The following CCDC88A variants were observed in gnomAD, a reference collection of about 807,000 sequenced individuals.
The protein encoded by CCDC88A is girdin.
CCDC88A carries 54 observed loss-of-function variants against 234.3 expected under a neutral mutation model. The observed-to-expected ratio is 0.23, with a 90% CI of 0.19 to 0.29. The LOEUF is 0.29. CCDC88A is among the 10% of genes least tolerant of loss of function. The pLI is 1.00. For missense variants in CCDC88A, 1,832 were observed against 2,123.4 expected (o/e 0.86, Z 2.70); for synonymous variants, 753 against 737.8 (o/e 1.02, Z -0.33).
intron 3 of CCDC88A, among the ~76,000 whole-genome samples, chr2:55,379,135 A>G (rs1237465908): frequency 6.6e-6 from 1 of 152,182 alleles, no homozygotes; most frequent in Non-Finnish European, 1.5e-5. Context: ...GACATAAAAG[A>G]GAGTAGATGC....
chr2:55,362,165 A>G, intron 7 of CCDC88A, 143 bp downstream of exon 7: 1 of 565,168 alleles, frequency 1.8e-6, no homozygotes, highest in South Asian at 3.4e-5. Flanking sequence ...ACATCCTTTC[A>G]GGTTCCTGTG....
At chr2:55,389,985 G>C (rs1386622222) in intron 2 of CCDC88A, among the ~76,000 whole-genome samples, 1 of 139,212 alleles carries the variant, frequency 7.2e-6, no homozygotes, top group East Asian at 2.2e-4. Flanking sequence ...AGGTTGCAGT[G>C]AGCCAGGATC....
intron 14 of CCDC88A, among the ~76,000 whole-genome samples, chr2:55,336,001 T>A (rs1445801623): frequency 6.6e-6 from 1 of 151,954 alleles, no homozygotes; most frequent in African/African-American, 2.4e-5. Context: ...GAGACCAGCC[T>A]GGGGAGCATA....
chr2:55,332,273 C>G lies in CCDC88A; in HGVS notation c.2855+293G>C. The G allele has an allele frequency of 5.6e-6, 1 of 179,600 alleles. No homozygotes were observed. Among genetic ancestry groups the G allele is most frequent in the Non-Finnish European group, 1.1e-5 (1 of 87,924 alleles). 11.1% of individuals were successfully genotyped at this position (179,600 alleles called of 1,614,324 possible). A position where few individuals can be genotyped will look rare whatever the true frequency, so the allele number is the denominator to read the frequency against. On this transcript the variant is annotated intron_variant, in intron 16 of 32. Coordinates refer to ENST00000436346, the MANE Select transcript of CCDC88A (RefSeq NM_001365480.1). This position sits in a 1 kb window ranked among gnomAD's most constrained non-coding sequence, Gnocchi z 4.5. ...AGCTGGAATTACAGGCATGCACCAC[C>G]ATGCCCAGCTAATTTTTTTTGTATT...
intron 25 of CCDC88A, among the ~76,000 whole-genome samples, chr2:55,304,851 CAT>C (rs1681344031): frequency 6.6e-6 from 1 of 152,288 alleles, no homozygotes; most frequent in African/African-American, 2.4e-5. Context: ...GACCTAAAAA[CAT>C]ATTATACACT....
rs200098186 is a variant in CCDC88A at position 55,318,912 on chromosome 2, T to G, written c.3255A>C (p.Ala1085=). Residue 1085 remains alanine (A), a synonymous_variant, in exon 19 of 33, where the codon GCA becomes GCC. Transcript: ENST00000436346. ...QNNNLQAQIL[A]LQRQTVSLQE... ...GTAATGACACTGTCTGCCTCTGAAG[T>G]GCAAGAATCTGAGCCTGCAAATTAT... is the stretch of plus-strand genomic sequence containing the variant. The G allele has an allele frequency of 4.5e-5, 73 of 1,613,202 alleles. No individual in the cohort carries two copies. The highest frequency in any genetic ancestry group is 3.4e-6 in the Non-Finnish European group (4 of 1,179,474).
chr2:55,362,691 A>C (rs1671475808), intron 6 of CCDC88A, among the ~76,000 whole-genome samples: 1 of 152,006 alleles, frequency 6.6e-6, no homozygotes, highest in African/African-American at 2.4e-5. Flanking sequence ...AAATATTAAT[A>C]TTTAACTCAA....
chr2:55,336,565 A>C, intron 14 of CCDC88A, 116 bp downstream of exon 14: 2 of 625,646 alleles, frequency 3.2e-6, no homozygotes, highest in Non-Finnish European at 5.1e-6. Flanking sequence ...AAAATAAAAA[A>C]ATTCTAAAAT....
rs752260405 is a variant in CCDC88A, at chr2:55,388,798, G to C, written c.253C>G (p.Gln85Glu). 1.1e-5 allele frequency: 16 copies of C among 1,475,356 alleles called. No individual in the cohort carries two copies. In the Admixed American group the frequency reaches 2.1e-4, roughly 20 times the overall value. The allele number at this position is 1,475,356 out of a possible 1,614,324, so 91.4% of individuals were successfully genotyped here. A position where few individuals can be genotyped will look rare whatever the true frequency, so the allele number is the denominator to read the frequency against. The change falls in exon 3 of 33, where the codon CAG becomes GAG. Residue 85 changes from glutamine to glutamate, a missense_variant. Gln to Glu is a conservative substitution (Grantham distance 29). This residue lies in a region of CCDC88A where 84 missense variants were observed against 80.9 expected (regional missense o/e 1.04). Transcript: ENST00000436346. ...RMHNLSILVRQIKFYYQETLQ... is the reference protein window; with the variant it reads ...RMHNLSILVREIKFYYQETLQ... Reference sequence around the variant, plus strand: ...CTTACCTGGTAATAAAATTTTATCTGTCTCACCAAAATGGATAGATTGTGC... The same window carrying C: ...CTTACCTGGTAATAAAATTTTATCTCTCTCACCAAAATGGATAGATTGTGC...
chr2:55,374,581 G>T (rs1673325476), intron 4 of CCDC88A, among the ~76,000 whole-genome samples: 1 of 152,064 alleles, frequency 6.6e-6, no homozygotes, highest in Non-Finnish European at 1.5e-5. Flanking sequence ...AAAAGTATCT[G>T]TTTGGTATAG....
chr2:55,297,365 A>AATATATATTATATATAAATATATATT lies in CCDC88A; in HGVS notation c.4826-868_4826-843dup, dbSNP rs1553385785. Reference sequence around the variant, plus strand: ...TTATATATTATATATAAATATATATAATATATATTATATATAAATATATAT... The same window carrying AATATATATTATATATAAATATATATT: ...TTATATATTATATATAAATATATATAATATATATTATATATAAATATATATTATATATATTATATATAAATATATAT... On this transcript the variant is annotated intron_variant, in intron 29 of 32. Coordinates refer to ENST00000436346, the MANE Select transcript of CCDC88A (RefSeq NM_001365480.1). 1.9e-3 allele frequency among the ~76,000 whole-genome samples: 193 copies of AATATATATTATATATAAATATATATT among 98,978 alleles called. 11 individuals are homozygous for AATATATATTATATATAAATATATATT. The highest frequency in any genetic ancestry group is 0.01 in the African/African-American group (181 of 17,652). The allele number at this position is 98,978 out of a possible 152,430, so 64.9% of individuals were successfully genotyped here. A position where few individuals can be genotyped will look rare whatever the true frequency, so the allele number is the denominator to read the frequency against.
At chr2:55,377,050 T>C (rs1413417426) in intron 3 of CCDC88A, among the ~76,000 whole-genome samples, 1 of 152,096 alleles carries the variant, frequency 6.6e-6, no homozygotes, top group Non-Finnish European at 1.5e-5. Flanking sequence ...GCCAGGCTGG[T>C]CTTGAAGTCC....
chr2:55,401,313 A>G (rs1446785007), intron 2 of CCDC88A, among the ~76,000 whole-genome samples: 1 of 150,618 alleles, frequency 6.6e-6, no homozygotes, highest in Non-Finnish European at 1.5e-5. Flanking sequence ...GTGTGCCTGC[A>G]GTCCTAGCTA....
intron 27 of CCDC88A, 76 bp downstream of exon 27, chr2:55,301,796 G>C: frequency 8.7e-6 from 11 of 1,267,218 alleles, no homozygotes; most frequent in Non-Finnish European, 1.3e-5. Flanking sequence ...TTTTTAAAAA[G>C]TACACAGGGA....
rs911381820 is a variant in CCDC88A, at chr2:55,299,886, G to A, written c.4778C>T (p.Thr1593Ile). ...ATTATTATTGCTATTGCTAGTGGAT[G>A]TTCTGCCACTATCAAGGCTGGCTGG... ...SRPASLDSGR[T>I]STSNSNNNAS... Residue 1593 changes from threonine (T) to isoleucine (I), a missense_variant, in exon 29 of 33, where the codon ACA becomes ATA. Physicochemically the swap from Thr to Ile is moderately conservative, Grantham distance 89 (BLOSUM62 -1). Around this residue, in one of 6 missense-constraint regions of CCDC88A, gnomAD observed 422 missense variants for 416.5 expected, o/e 1.01. Coordinates refer to ENST00000436346, the MANE Select transcript of CCDC88A (RefSeq NM_001365480.1). 1.4e-5 allele frequency: 22 copies of A among 1,613,612 alleles called. No individual in the cohort carries two copies. The highest frequency in any genetic ancestry group is 1.9e-5 in the Non-Finnish European group (22 of 1,179,780).
intron 7 of CCDC88A, among the ~76,000 whole-genome samples, chr2:55,357,946 T>G (rs1446585339): frequency 6.6e-6 from 1 of 152,154 alleles, no homozygotes; most frequent in Non-Finnish European, 1.5e-5. Context: ...ATTCTTCTAT[T>G]GTAGCACGCC....
chr2:55,296,963 T>C (rs935486798), intron 29 of CCDC88A: 1 of 154,016 alleles, frequency 6.5e-6, no homozygotes, highest in Non-Finnish European at 1.4e-5. Flanking sequence ...AGCAGGCGGA[T>C]CACGAGGTCA....
Position 55,349,498 on chromosome 2 carries a change from C to T in CCDC88A, c.882+20G>A, listed in dbSNP as rs2589090. ...CCAATTACTTGGTGGTCCTAAATAA[C>T]AGATATTCCAGGTACAAACCTCTTG... On this transcript the variant is annotated intron_variant, in intron 9 of 32. Coordinates refer to ENST00000436346, the MANE Select transcript of CCDC88A (RefSeq NM_001365480.1). The T allele has an allele frequency of 0.45, 689,994 of 1,545,896 alleles. 160,894 individuals carry two copies. Among genetic ancestry groups the T allele is most frequent in the East Asian group, 0.82 (36,504 of 44,262 alleles).
At chr2:55,377,325 A>C (rs912766865) in intron 3 of CCDC88A, among the ~76,000 whole-genome samples, 1 of 137,888 alleles carries the variant, frequency 7.3e-6, no homozygotes, top group Non-Finnish European at 1.5e-5. Context: ...ATTTGTTTTT[A>C]TTTTTTATTT....
Sources: allele counts gnomAD v4.1 joint callset (sites outside exome capture counted in the v4.1 genomes callset), GRCh38; gene constraint gnomAD v4.1.1; regional missense constraint gnomAD v4.1.1; non-coding constraint Gnocchi (gnomAD v3.1); transcripts MANE v1.5; gene names NCBI Gene and HGNC (gene_info 2026-07-23, HGNC 2026-07-21).